The following AUH variants were observed in gnomAD, a reference collection of about 807,000 sequenced individuals.
AUH encodes the protein methylglutaconyl-CoA hydratase, mitochondrial.
A neutral mutation model predicts 42.3 loss-of-function variants in AUH; 29 were observed. The observed-to-expected ratio is 0.69, with a 90% CI of 0.51 to 0.93. AUH has a LOEUF of 0.93. Among genes scored for constraint, AUH ranks in the 40% least tolerant of loss-of-function variants. The pLI is 0.00. For synonymous variants in AUH, 174 were observed against 166.4 expected (o/e 1.05, Z -0.35); for missense variants, 452 against 438.1 (o/e 1.03, Z -0.28).
At chr9:91,294,614 T>C in intron 6 of AUH, 1 of 438,286 alleles carries the variant, frequency 2.3e-6, no homozygotes, top group South Asian at 1.7e-5. Context: ...TGATTCCTCT[T>C]ATGGATCTGG....
intron 6 of AUH, among the ~76,000 whole-genome samples, chr9:91,249,478 C>T (rs1564029235): frequency 6.6e-6 from 1 of 151,798 alleles, no homozygotes; most frequent in East Asian, 1.9e-4. Context: ...TGTGGCTATT[C>T]TTTGAGCTAA....
chr9:91,270,228 C>G (rs1475178180), intron 6 of AUH, among the ~76,000 whole-genome samples: 1 of 152,154 alleles, frequency 6.6e-6, no homozygotes, highest in Non-Finnish European at 1.5e-5. Context: ...GAGAGACCAA[C>G]TGGCAACATG....
chr9:91,220,886 G>A lies in AUH; in HGVS notation c.762C>T (p.Ile254=). 1 of 1,614,248 alleles carries A rather than the reference G, an allele frequency of 6.2e-7. No homozygotes were observed. The highest frequency in any genetic ancestry group is 8.5e-7 in the Non-Finnish European group (1 of 1,180,052). ...DGKEAKAVGL[I]SHVLEQNQEG... is the part of the protein sequence containing the mutation. ...CCTGGTTCTGTTCCAGAACGTGGCTGATTAAGCCCACTGCTTTGGCTTCTT... is the reference window on the plus strand; with the variant it reads ...CCTGGTTCTGTTCCAGAACGTGGCTAATTAAGCCCACTGCTTTGGCTTCTT... The change falls in exon 7 of 10, where the codon ATC becomes ATT. Residue 254 remains isoleucine, a synonymous_variant. Transcript: ENST00000375731.
At chr9:91,248,874 G>A (rs548779217) in intron 6 of AUH, among the ~76,000 whole-genome samples, 1 of 152,330 alleles carries the variant, frequency 6.6e-6, no homozygotes, top group Admixed American at 6.5e-5. Context: ...AGGACTTACT[G>A]TTATTATTAG....
intron 6 of AUH, among the ~76,000 whole-genome samples, chr9:91,267,250 T>C (rs1830024117): frequency 6.6e-6 from 1 of 152,180 alleles, no homozygotes; most frequent in Non-Finnish European, 1.5e-5. Context: ...AAAAAAACTT[T>C]GCAATACAGA....
At chr9:91,299,726 C>A (rs1827634547) in intron 4 of AUH, among the ~76,000 whole-genome samples, 1 of 152,166 alleles carries the variant, frequency 6.6e-6, no homozygotes, top group African/African-American at 2.4e-5. Context: ...TAAACTGAGT[C>A]CTTCCCAAGG....
intron 4 of AUH, among the ~76,000 whole-genome samples, chr9:91,313,821 C>CTTT (rs1491379388): frequency 8.9e-6 from 1 of 112,314 alleles, no homozygotes; most frequent in Admixed American, 7.8e-5. Flanking sequence ...TCCATAAACG[C>CTTT]TCTTTTTTTT....
intron 6 of AUH, among the ~76,000 whole-genome samples, chr9:91,252,607 C>A (rs1310088775): frequency 1.3e-5 from 2 of 152,118 alleles, no homozygotes; most frequent in Non-Finnish European, 2.9e-5. Context: ...CCCCACCCAG[C>A]TAGAGTAGCA....
At chr9:91,237,085 A>T (rs1207261967) in intron 6 of AUH, among the ~76,000 whole-genome samples, 1 of 152,232 alleles carries the variant, frequency 6.6e-6, no homozygotes, top group Non-Finnish European at 1.5e-5. Flanking sequence ...TCAGCTACAG[A>T]TTATGTTTCC....
intron 4 of AUH, among the ~76,000 whole-genome samples, chr9:91,311,133 A>G (rs1192419213): frequency 6.6e-6 from 1 of 152,192 alleles, no homozygotes; most frequent in Non-Finnish European, 1.5e-5. Flanking sequence ...TGTATTTCAA[A>G]GAGAGAGCTT....
At chr9:91,320,596 G>T (rs1445738580) in intron 4 of AUH, among the ~76,000 whole-genome samples, 1 of 152,192 alleles carries the variant, frequency 6.6e-6, no homozygotes, top group African/African-American at 2.4e-5. Flanking sequence ...CTCTCTGAAT[G>T]TACTGTGATT....
At position 91,216,204 on chromosome 9, in the gene AUH, C is replaced by T. The variant is rs1057411694; in HGVS notation, c.895-98G>A. The T allele has an allele frequency of 1.8e-5, 22 of 1,203,430 alleles. No individual in the cohort carries two copies. The African/African-American group carries it at 3.0e-4, about 16-fold the overall frequency. 74.5% of individuals were successfully genotyped at this position (1,203,430 alleles called of 1,614,324 possible). A position where few individuals can be genotyped will look rare whatever the true frequency, so the allele number is the denominator to read the frequency against. On this transcript the variant is annotated intron_variant, in intron 8 of 9. Transcript: ENST00000375731. Reference sequence around the variant, plus strand: ...ATTGAATAACCTTATCCCCAAAGCACCCAATCCTTTGATATAGTACAGCAG... The same window carrying T: ...ATTGAATAACCTTATCCCCAAAGCATCCAATCCTTTGATATAGTACAGCAG...
At chr9:91,348,576 C>T (rs1195932598) in intron 3 of AUH, among the ~76,000 whole-genome samples, 1 of 151,956 alleles carries the variant, frequency 6.6e-6, no homozygotes, top group Non-Finnish European at 1.5e-5. Flanking sequence ...AAATACATGC[C>T]AATAAAATGA....
intron 7 of AUH, among the ~76,000 whole-genome samples, chr9:91,217,640 G>C (rs1379909219): frequency 6.6e-6 from 1 of 152,188 alleles, no homozygotes; most frequent in Non-Finnish European, 1.5e-5. Flanking sequence ...AAGTTAAGTA[G>C]AGGAAGGAAA....
chr9:91,349,864 T>A (rs1831829912), intron 3 of AUH, among the ~76,000 whole-genome samples: 1 of 152,228 alleles, frequency 6.6e-6, no homozygotes, highest in South Asian at 2.1e-4. Flanking sequence ...ATTATTTTTC[T>A]TAGTATTCTA....
intron 6 of AUH, among the ~76,000 whole-genome samples, chr9:91,275,574 A>AATTTCCAGAGG (rs1825476161): frequency 6.6e-6 from 1 of 152,198 alleles, no homozygotes; most frequent in African/African-American, 2.4e-5. Context: ...GTTCTCAACC[A>AATTTCCAGAGG]CTTGACAGAG....
At chr9:91,330,159 T>C (rs1830225277) in intron 3 of AUH, among the ~76,000 whole-genome samples, 1 of 152,188 alleles carries the variant, frequency 6.6e-6, no homozygotes, top group South Asian at 2.1e-4. Context: ...AAAAATCAAC[T>C]GTATTTCTAT....
intron 7 of AUH, among the ~76,000 whole-genome samples, chr9:91,219,618 G>A (rs945544125): frequency 1.3e-5 from 2 of 152,212 alleles, no homozygotes; most frequent in African/African-American, 4.8e-5. Flanking sequence ...ACTACCTTAT[G>A]TGGGGAATAA....
At chr9:91,262,746 C>G (rs1406772130) in intron 6 of AUH, among the ~76,000 whole-genome samples, 1 of 152,088 alleles carries the variant, frequency 6.6e-6, no homozygotes, top group East Asian at 1.9e-4. Context: ...CCTAGGTGAT[C>G]TAGTTCAAAA....
Sources: gnomAD v4.1 joint callset for allele counts (sites outside exome capture counted in the v4.1 genomes callset) on GRCh38, gnomAD v4.1.1 for gene constraint, MANE v1.5 for transcripts, NCBI Gene and HGNC (gene_info 2026-07-23, HGNC 2026-07-21) for gene names.